The following USP24 variants were observed in gnomAD, a reference collection of about 807,000 sequenced individuals.
USP24 encodes ubiquitin specific peptidase 24.
A neutral mutation model predicts 361.6 loss-of-function variants in USP24; 97 were observed. That is an observed-to-expected ratio of 0.27 (90% confidence interval 0.23 to 0.32). USP24 has a LOEUF of 0.32. USP24 is among the 10% of genes least tolerant of loss of function. USP24 has a pLI of 1.00. For missense variants in USP24, 2,353 were observed against 3,165.6 expected (o/e 0.74, Z 6.16); for synonymous variants, 1,098 against 1,124.6 (o/e 0.98, Z 0.47).
At chr1:55,129,852 A>G (rs1376603160) in intron 31 of USP24, among the ~76,000 whole-genome samples, 1 of 152,230 alleles carries the variant, frequency 6.6e-6, no homozygotes, top group Non-Finnish European at 1.5e-5. Flanking sequence ...TCAGGCTTAG[A>G]TAAGAACAGA....
chr1:55,126,389 C>A (rs566926345), intron 32 of USP24, among the ~76,000 whole-genome samples: 3 of 152,154 alleles, frequency 2.0e-5, no homozygotes, highest in South Asian at 4.1e-4. Flanking sequence ...AAATCATAGC[C>A]CCCGAATCCC....
intron 1 of USP24, among the ~76,000 whole-genome samples, chr1:55,201,586 GC>G (rs1277397341): frequency 9.9e-6 from 1 of 101,110 alleles, no homozygotes; most frequent in Admixed American, 1.6e-4. Context: ...GGGTGACAGA[GC>G]AAGACTCCAT....
intron 42 of USP24, among the ~76,000 whole-genome samples, chr1:55,103,305 G>T (rs75428832): frequency 0.042 from 6,370 of 152,212 alleles, 347 homozygotes; most frequent in African/African-American, 0.13. Context: ...ACAGCTGGTG[G>T]TGAAGTGCCT....
intron 1 of USP24, among the ~76,000 whole-genome samples, chr1:55,181,502 T>A (rs1286239028): frequency 6.6e-6 from 1 of 152,190 alleles, no homozygotes; most frequent in South Asian, 2.1e-4. Flanking sequence ...TAGTAAAAAA[T>A]TTAGCATAGT....
chr1:55,149,096 A>G (rs1328105209), intron 16 of USP24, among the ~76,000 whole-genome samples: 3 of 152,212 alleles, frequency 2.0e-5, no homozygotes, highest in Non-Finnish European at 2.9e-5. Context: ...CTTTCATAAG[A>G]GGTAATTCTA....
Position 55,137,506 on chromosome 1 carries a change from A to C in USP24, c.3201+9T>G. 6.2e-7 allele frequency: 1 copy of C among 1,606,568 alleles called. No homozygotes were observed. The highest frequency in any genetic ancestry group is 8.5e-7 in the Non-Finnish European group (1 of 1,177,566). On this transcript the variant is annotated intron_variant, in intron 28 of 67. Coordinates refer to ENST00000294383, the MANE Select transcript of USP24 (RefSeq NM_015306.3). ...TCTTGTTTTTAAATGGAAATTGATC[A>C]CCCAGTACCTGCTCCATGGCATATG...
At chr1:55,137,989 G>A (rs983511108) in intron 26 of USP24, 85 bp from the exon 27 acceptor site, 76 of 1,319,286 alleles carry the variant, frequency 5.8e-5, no homozygotes, top group Non-Finnish European at 1.6e-5. Context: ...ACTAGGTACT[G>A]GGCACTGTTC....
intron 1 of USP24, among the ~76,000 whole-genome samples, chr1:55,205,366 C>G (rs1024683828): frequency 6.6e-6 from 1 of 152,094 alleles, no homozygotes; most frequent in South Asian, 2.1e-4. Flanking sequence ...CAGAAAAGAA[C>G]AGAAGGGGCA....
In USP24 at chr1:55,083,061, A is replaced by G. The variant is rs553825716; in HGVS notation, c.6975+211T>C. ...TCAGAATCCACCTTTCCCTCTTATG[A>G]CTTTGTCACTAGTTAGTAATTTCCA... On this transcript the variant is annotated intron_variant, in intron 58 of 67. Transcript: ENST00000294383. 2.0e-5 allele frequency among the ~76,000 whole-genome samples: 3 copies of G among 152,222 alleles called. No homozygotes were observed. In the East Asian group the frequency reaches 5.8e-4, roughly 29 times the overall value.
chr1:55,165,625 T>C (rs571980659), intron 7 of USP24, among the ~76,000 whole-genome samples: 5 of 152,242 alleles, frequency 3.3e-5, no homozygotes, highest in African/African-American at 9.6e-5. Flanking sequence ...AACAGTAAGA[T>C]AATTTCATGT....
At chr1:55,098,126 T>C (rs752646542) in intron 46 of USP24, 42 bp from the exon 47 acceptor site, 11 of 1,525,776 alleles carry the variant, frequency 7.2e-6, no homozygotes, top group Non-Finnish European at 9.6e-6. Flanking sequence ...AACAATGGAA[T>C]TTAAAACTCT....
chr1:55,205,521 TA>T (rs111654267), intron 1 of USP24, among the ~76,000 whole-genome samples: 1 of 152,054 alleles, frequency 6.6e-6, no homozygotes, highest in Non-Finnish European at 1.5e-5. Flanking sequence ...ATTCTAGATT[TA>T]AAAAAATAGC....
At chr1:55,092,765 A>G in intron 53 of USP24, 56 bp downstream of exon 53, 1 of 1,281,740 alleles carries the variant, frequency 7.8e-7, no homozygotes, top group Non-Finnish European at 1.1e-6. Flanking sequence ...TGCTTTAGCT[A>G]AAGCATATTT....
chr1:55,165,105 A>G (rs910078074), intron 7 of USP24, among the ~76,000 whole-genome samples: 19 of 152,074 alleles, frequency 1.2e-4, no homozygotes, highest in African/African-American at 4.3e-4. Context: ...CTTCACCCAT[A>G]GAGGGACCAA....
intron 30 of USP24, 151 bp downstream of exon 30, chr1:55,133,919 C>T (rs1015842143): frequency 5.3e-6 from 4 of 758,042 alleles, no homozygotes; most frequent in Non-Finnish European, 4.3e-6. Flanking sequence ...AGGCGTGAGC[C>T]ACTGCACTGG....
intron 5 of USP24, among the ~76,000 whole-genome samples, chr1:55,167,963 T>C (rs1649053948): frequency 6.6e-6 from 1 of 152,114 alleles, no homozygotes; most frequent in Admixed American, 6.6e-5. Flanking sequence ...GAGAAGAGGT[T>C]TGGGCCACAG....
chr1:55,197,651 G>T (rs1043492054), intron 1 of USP24, among the ~76,000 whole-genome samples: 1 of 152,174 alleles, frequency 6.6e-6, no homozygotes, highest in Non-Finnish European at 1.5e-5. Flanking sequence ...ATAAGAGTGT[G>T]TTACTCAATG....
chr1:55,082,176 G>T (rs931812244), intron 58 of USP24, among the ~76,000 whole-genome samples: 2 of 152,206 alleles, frequency 1.3e-5, no homozygotes, highest in Admixed American at 1.3e-4. Flanking sequence ...CAGGGGAAAA[G>T]ACTCTGGCTT....
chr1:55,189,144 T>C (rs75595726), intron 1 of USP24, among the ~76,000 whole-genome samples: 16,416 of 152,154 alleles, frequency 0.11, 1,116 homozygotes, highest in Non-Finnish European at 0.16. Flanking sequence ...AACAATTCCA[T>C]TCATACAAAT....
Sources: gnomAD v4.1 joint callset for allele counts (sites outside exome capture counted in the v4.1 genomes callset) on GRCh38, gnomAD v4.1.1 for gene constraint, MANE v1.5 for transcripts, NCBI Gene and HGNC (gene_info 2026-07-23, HGNC 2026-07-21) for gene names.